BTBD8: variants seen among roughly 807,000 people sequenced by gnomAD.
BTBD8 encodes BTB domain containing 8.
A neutral mutation model predicts 162.9 loss-of-function variants in BTBD8; 110 were observed. That is an observed-to-expected ratio of 0.68 (90% confidence interval 0.58 to 0.79). The LOEUF (loss-of-function observed/expected upper bound fraction) is 0.79. BTBD8 is among the 30% of genes least tolerant of loss of function. The pLI, the probability that BTBD8 is intolerant of heterozygous loss-of-function variation, is 0.00. For missense variants in BTBD8, 1,905 were observed against 2,085.4 expected, an observed-to-expected ratio of 0.91 and a Z score of 1.68; for synonymous variants, 667 against 716.1, an observed-to-expected ratio of 0.93 and a Z score of 1.10.
At chr1:92,100,250 G>T (rs763681852) in intron 2 of BTBD8, among the ~76,000 whole-genome samples, 23 of 151,924 alleles carry the variant, frequency 1.5e-4, no homozygotes, top group Non-Finnish European at 2.8e-4. Context: ...TTTTGTTGAG[G>T]GTTTTTTTAT....
intron 4 of BTBD8, among the ~76,000 whole-genome samples, chr1:92,121,854 T>G (rs76823564): frequency 4.6e-5 from 7 of 152,010 alleles, no homozygotes; most frequent in Admixed American, 2.6e-4. Flanking sequence ...TTTTTTTTTT[T>G]GAGACAGAGT....
intron 7 of BTBD8, among the ~76,000 whole-genome samples, chr1:92,144,272 C>G (rs1649853988): frequency 1.3e-5 from 2 of 151,896 alleles, no homozygotes; most frequent in African/African-American, 2.4e-5. Context: ...CTGTGCCCAG[C>G]CTTAGTTCTT....
Position 92,177,404 on chromosome 1 carries a change from A to G in BTBD8, c.2211A>G (p.Ser737=). 6.4e-7 allele frequency: 1 copy of G among 1,551,716 alleles called. No homozygotes were observed. Among genetic ancestry groups the G allele is most frequent in the Non-Finnish European group, 8.7e-7 (1 of 1,146,972 alleles). ...CCACAGATTCAAGTATGGAATTCTC[A>G]ATTTCCACTGAATGTCTGGATGAAC... is the stretch of plus-strand genomic sequence containing the variant. The part of the protein sequence containing the change: ...SRSTDSSMEF[S]ISTECLDEPK... The change falls in exon 14 of 18, where the codon TCA becomes TCG. Residue 737 remains serine, a synonymous_variant. Transcript: ENST00000636805.
At chr1:92,101,251 T>C (rs918656222) in intron 2 of BTBD8, among the ~76,000 whole-genome samples, 5 of 151,952 alleles carry the variant, frequency 3.3e-5, no homozygotes, top group African/African-American at 7.3e-5. Flanking sequence ...TCATTTTCAG[T>C]CTCATATCCC....
intron 9 of BTBD8, 57 bp from the exon 10 acceptor site, chr1:92,166,901 G>A: frequency 6.9e-7 from 1 of 1,458,558 alleles, no homozygotes; most frequent in South Asian, 1.4e-5. Context: ...TTTGCTTAGA[G>A]AGTTATTTTA....
intron 7 of BTBD8, 61 bp downstream of exon 7, chr1:92,141,272 G>T: frequency 6.7e-7 from 1 of 1,492,448 alleles, no homozygotes; most frequent in Non-Finnish European, 9.0e-7. Context: ...TTACCTGCTA[G>T]ATTTTTAACT....
At chr1:92,134,841 A>G (rs987491256) in intron 5 of BTBD8, among the ~76,000 whole-genome samples, 1 of 151,930 alleles carries the variant, frequency 6.6e-6, no homozygotes, top group African/African-American at 2.4e-5. Flanking sequence ...CTGAAACTTT[A>G]GAAAGGACAC....
intron 1 of BTBD8, among the ~76,000 whole-genome samples, chr1:92,086,977 T>C (rs1648179319): frequency 6.6e-6 from 1 of 152,116 alleles, no homozygotes; most frequent in Admixed American, 6.5e-5. Context: ...AGATATGAGA[T>C]GGAAAGAAGC....
intron 5 of BTBD8, among the ~76,000 whole-genome samples, chr1:92,134,250 A>G (rs1168890781): frequency 2.6e-5 from 4 of 152,170 alleles, no homozygotes; most frequent in Admixed American, 6.6e-5. Context: ...CCTGGCCTTC[A>G]ATATAAGTTT....
intron 1 of BTBD8, among the ~76,000 whole-genome samples, chr1:92,082,656 A>T (rs553146998): frequency 3.3e-5 from 5 of 152,334 alleles, no homozygotes; most frequent in African/African-American, 1.2e-4. Flanking sequence ...AGACTCTGCC[A>T]AATAGTAAGG....
rs766087232 is a variant in BTBD8, at chr1:92,180,421, A to G, written c.2738A>G (p.Asn913Ser). 21 of 1,551,428 alleles carry G rather than the reference A, an allele frequency of 1.4e-5. No homozygotes were observed. The highest frequency in any genetic ancestry group is 1.7e-5 in the Non-Finnish European group (19 of 1,146,944). Reference sequence around the variant, plus strand: ...GTACACACAGCTTTGCCTAAGGTTAATGCAAAAATAGTGGCAATGCCTAAA... The same window carrying G: ...GTACACACAGCTTTGCCTAAGGTTAGTGCAAAAATAGTGGCAATGCCTAAA... Reference protein sequence around the residue: ...KQVHTALPKVNAKIVAMPKNL... With the variant: ...KQVHTALPKVSAKIVAMPKNL... The change falls in exon 17 of 18, where the codon AAT becomes AGT. Residue 913 changes from asparagine (N) to serine (S), a missense_variant. Coordinates refer to ENST00000636805, the MANE Select transcript of BTBD8 (RefSeq NM_001376131.1).
chr1:92,127,286 T>G (rs1167123993), intron 4 of BTBD8, among the ~76,000 whole-genome samples: 3 of 148,934 alleles, frequency 2.0e-5, no homozygotes, highest in African/African-American at 7.4e-5. Context: ...TATGCTGAAT[T>G]GAGGATCAGA....
intron 17 of BTBD8, among the ~76,000 whole-genome samples, chr1:92,183,600 T>C (rs1319153433): frequency 1.3e-5 from 2 of 152,124 alleles, no homozygotes; most frequent in African/African-American, 4.8e-5. Flanking sequence ...TGATTTATGT[T>C]TTCTGTATCA....
At chr1:92,108,074 C>T (rs2101907863) in intron 4 of BTBD8, 73 bp downstream of exon 4, 1 of 1,387,336 alleles carries the variant, frequency 7.2e-7, no homozygotes. Context: ...CTCTTACCAG[C>T]ACGGTGGTTT....
At chr1:92,105,712 C>T (rs962660828) in intron 3 of BTBD8, among the ~76,000 whole-genome samples, 1 of 152,208 alleles carries the variant, frequency 6.6e-6, no homozygotes, top group African/African-American at 2.4e-5. Context: ...ATAAAATGAA[C>T]CTGAGTTTAT....
chr1:92,117,047 G>A (rs959500522), intron 4 of BTBD8, among the ~76,000 whole-genome samples: 1 of 151,600 alleles, frequency 6.6e-6, no homozygotes, highest in African/African-American at 2.4e-5. Context: ...ATGGGTTCTC[G>A]CATTATTGCT....
At chr1:92,104,623 C>T (rs75441922) in intron 3 of BTBD8, among the ~76,000 whole-genome samples, 1,772 of 152,264 alleles carry the variant, frequency 0.012, 43 homozygotes, top group African/African-American at 0.04. Flanking sequence ...TTCTGCCTTT[C>T]GACTGTTTTC....
intron 4 of BTBD8, among the ~76,000 whole-genome samples, chr1:92,112,488 T>TA (rs1192081651): frequency 1.3e-5 from 2 of 152,152 alleles, no homozygotes; most frequent in South Asian, 2.1e-4. Context: ...AAACCCATGT[T>TA]AAAAAAAAGA....
chr1:92,123,855 C>T (rs1412772960), intron 4 of BTBD8, among the ~76,000 whole-genome samples: 1 of 151,276 alleles, frequency 6.6e-6, no homozygotes, highest in African/African-American at 2.4e-5. Context: ...ACAGGATTTC[C>T]TTTTGCTTTT....
Sources: allele counts gnomAD v4.1 joint callset (sites outside exome capture counted in the v4.1 genomes callset), GRCh38; gene constraint gnomAD v4.1.1; transcripts MANE v1.5; gene names NCBI Gene and HGNC (gene_info 2026-07-23, HGNC 2026-07-21).